L1TD1: variants seen among roughly 807,000 people sequenced by gnomAD.
L1TD1 encodes the protein LINE1 type transposase domain containing 1.
A neutral mutation model predicts 25.7 loss-of-function variants in L1TD1; 26 were observed. The observed-to-expected ratio is 1.01, with a 90% confidence interval of 0.74 to 1.40. The LOEUF is 1.40. Among genes scored for constraint, L1TD1 ranks in the 40% most tolerant of loss-of-function variants. L1TD1 has a pLI of 0.00. For synonymous variants in L1TD1, 421 were observed against 335.6 expected, an observed-to-expected ratio of 1.25 and a Z score of -2.78; for missense variants, 1,130 against 975.0, an observed-to-expected ratio of 1.16 and a Z score of -2.12.
At chr1:62,208,884 A>G (rs911039926) in intron 3 of L1TD1, among the ~76,000 whole-genome samples, 1 of 152,222 alleles carries the variant, frequency 6.6e-6, no homozygotes, top group Non-Finnish European at 1.5e-5. Flanking sequence ...GTGAGAATCC[A>G]TAAGGAAAAG....
intron 2 of L1TD1, among the ~76,000 whole-genome samples, chr1:62,199,921 CCTGA>C (rs539440457): frequency 2.8e-3 from 427 of 152,216 alleles, no homozygotes; most frequent in Non-Finnish European, 4.9e-3. Flanking sequence ...TTTGCATTCT[CCTGA>C]CTAATATAAT....
At chr1:62,195,117 C>T (rs893295814) in intron 1 of L1TD1, among the ~76,000 whole-genome samples, 196 bp downstream of exon 1, 3 of 151,208 alleles carry the variant, frequency 2.0e-5, no homozygotes, top group African/African-American at 4.9e-5. Context: ...TCCGCAGCGC[C>T]CCAAGTAAGG....
intron 2 of L1TD1, among the ~76,000 whole-genome samples, chr1:62,200,470 C>T (rs1670620495): frequency 6.6e-6 from 1 of 152,034 alleles, no homozygotes; most frequent in Non-Finnish European, 1.5e-5. Flanking sequence ...TGTGCCTGGC[C>T]ATAATGTATA....
In L1TD1 at chr1:62,211,401, T is replaced by C; in HGVS notation, c.*29T>C. On this transcript the variant is annotated 3_prime_UTR_variant, in exon 4 of 4. Coordinates refer to ENST00000498273, the MANE Select transcript of L1TD1 (RefSeq NM_019079.5). ...GCCAGGGTGACTACAAACAATATGC[T>C]TTCCTCCCCCAGCATGCATCCAAAA... The C allele has an allele frequency of 6.5e-7, 1 of 1,537,900 alleles. No individual in the cohort carries two copies. Among genetic ancestry groups the C allele is most frequent in the Non-Finnish European group, 8.7e-7 (1 of 1,146,702 alleles).
intron 2 of L1TD1, among the ~76,000 whole-genome samples, chr1:62,203,270 C>G (rs993394014): frequency 3.9e-5 from 6 of 152,096 alleles, no homozygotes; most frequent in Non-Finnish European, 7.4e-5. Context: ...ACAAACATTC[C>G]AATTATACTG....
At position 62,206,675 on chromosome 1, in the gene L1TD1, C is replaced by G. The variant is rs1290270402; in HGVS notation, c.47C>G (p.Ala16Gly). 2 of 1,547,138 alleles carry G rather than the reference C, an allele frequency of 1.3e-6. No individual in the cohort carries two copies. The highest frequency in any genetic ancestry group is 1.7e-6 in the Non-Finnish European group (2 of 1,145,750). ...GTACAATCAAAATTTGCTAGACTTG[C>G]AAAGAAAAAGGAAAATATCACCTAT... ...TSVQSKFARL[A>G]KKKENITYMK... The change falls in exon 3 of 4, where the codon GCA becomes GGA. Residue 16 changes from alanine to glycine, a missense_variant. By Grantham distance (60) the Ala-to-Gly change is moderately conservative. Coordinates refer to ENST00000498273, the MANE Select transcript of L1TD1 (RefSeq NM_019079.5).
rs1481010273 is a variant in L1TD1 at position 62,206,663 on chromosome 1, T to A, written c.35T>A (p.Phe12Tyr). Residue 12 changes from phenylalanine (F) to tyrosine (Y), a missense_variant, in exon 3 of 4, where the codon TTT (phenylalanine) becomes TAT (tyrosine). Transcript: ENST00000498273. ...SDVSTSVQSK[F>Y]ARLAKKKENI... ...GTATCTACTAGTGTACAATCAAAAT[T>A]TGCTAGACTTGCAAAGAAAAAGGAA... 1 of 1,546,844 alleles carries A rather than the reference T, an allele frequency of 6.5e-7. No homozygotes were observed. Among genetic ancestry groups the A allele is most frequent in the African/African-American group, 1.4e-5 (1 of 72,662 alleles).
At chr1:62,205,237 C>T (rs1363568658) in intron 2 of L1TD1, among the ~76,000 whole-genome samples, 2 of 151,122 alleles carry the variant, frequency 1.3e-5, no homozygotes, top group Non-Finnish European at 2.9e-5. Context: ...ACTCGGGAGG[C>T]TGAGGCGGGA....
chr1:62,197,968 T>C (rs1487953809), intron 2 of L1TD1, among the ~76,000 whole-genome samples: 1 of 152,080 alleles, frequency 6.6e-6, no homozygotes, highest in African/African-American at 2.4e-5. Context: ...CCAAAATATG[T>C]TCAAAATATG....
chr1:62,210,539 ACAG>A lies in L1TD1; in HGVS notation c.1766_1768del (p.Thr589_Glu590delinsLys). 1.2e-6 allele frequency: 2 copies of A among 1,612,890 alleles called. No individual in the cohort carries two copies. The highest frequency in any genetic ancestry group is 1.7e-6 in the Non-Finnish European group (2 of 1,179,770). ...AACAGGAGTCACCAAACTTAAGAAA[ACAG>A]AAGAAAAGAAACACAGAACTCTGCA... is the stretch of plus-strand genomic sequence containing the variant. On this transcript the variant is annotated inframe_deletion, in exon 4 of 4. Transcript: ENST00000498273.
At chr1:62,196,697 A>T (rs1261556614) in intron 2 of L1TD1, among the ~76,000 whole-genome samples, 169 bp downstream of exon 2, 1 of 151,974 alleles carries the variant, frequency 6.6e-6, no homozygotes, top group Admixed American at 6.6e-5. Context: ...GGTTCAAGCG[A>T]TTCTACTCCC....
rs764969897 is a variant in L1TD1 at position 62,206,770 on chromosome 1, G to A, written c.142G>A (p.Val48Ile). 8.3e-6 allele frequency: 13 copies of A among 1,559,804 alleles called. No individual in the cohort carries two copies. Among genetic ancestry groups the A allele is most frequent in the South Asian group, 1.2e-5 (1 of 85,448 alleles). ...GGTATTAGATTTAAAATGCAAGGAC[G>A]TATCAGCAATTATGAATAAGTTTAA... The part of the protein sequence containing the change: ...APVLDLKCKD[V>I]SAIMNKFKVL... The change falls in exon 3 of 4, where the codon GTA becomes ATA. Residue 48 changes from valine (V) to isoleucine (I), a missense_variant. Physicochemically the swap from Val to Ile is conservative, Grantham distance 29. Coordinates refer to ENST00000498273, the MANE Select transcript of L1TD1 (RefSeq NM_019079.5).
intron 2 of L1TD1, among the ~76,000 whole-genome samples, chr1:62,203,959 C>T (rs1191029751): frequency 6.6e-6 from 1 of 152,142 alleles, no homozygotes; most frequent in Non-Finnish European, 1.5e-5. Context: ...GTCCTGACCT[C>T]AGGGGATCCA....
At position 62,211,598 on chromosome 1, in the gene L1TD1, C is replaced by T. The variant is rs1030944488; in HGVS notation, c.*226C>T. 1.6e-4 allele frequency: 88 copies of T among 549,502 alleles called. No homozygotes were observed. The highest frequency in any genetic ancestry group is 9.2e-4 in the African/African-American group (48 of 52,156). The allele number at this position is 549,502 out of a possible 1,614,324, so 34.0% of individuals were successfully genotyped here. A position where few individuals can be genotyped will look rare whatever the true frequency, so the allele number is the denominator to read the frequency against. On this transcript the variant is annotated 3_prime_UTR_variant, in exon 4 of 4. Transcript: ENST00000498273. ...GTGAGTTATTTCAGTTGATCACAGTCAGTTACAGATAGAATTCCTTGTTTT... is the reference window on the plus strand; with the variant it reads ...GTGAGTTATTTCAGTTGATCACAGTTAGTTACAGATAGAATTCCTTGTTTT...
intron 1 of L1TD1, among the ~76,000 whole-genome samples, chr1:62,195,520 G>A (rs927259568): frequency 6.6e-6 from 1 of 152,232 alleles, no homozygotes; most frequent in African/African-American, 2.4e-5. Flanking sequence ...TTGGGAAGCC[G>A]AGGCGGGCGG....
At position 62,206,654 on chromosome 1, in the gene L1TD1, A is replaced by G; in HGVS notation, c.26A>G (p.Gln9Arg). 13 of 1,545,948 alleles carry G rather than the reference A, an allele frequency of 8.4e-6. No individual in the cohort carries two copies. Among genetic ancestry groups the G allele is most frequent in the Non-Finnish European group, 1.1e-5 (13 of 1,145,244 alleles). Reference protein sequence around the residue: MSDVSTSVQSKFARLAKKK... With the variant: MSDVSTSVRSKFARLAKKK... ...ATGTCTGATGTATCTACTAGTGTAC[A>G]ATCAAAATTTGCTAGACTTGCAAAG... is the stretch of plus-strand genomic sequence containing the variant. The change falls in exon 3 of 4, where the codon CAA becomes CGA. Residue 9 changes from glutamine to arginine, a missense_variant. Coordinates refer to ENST00000498273, the MANE Select transcript of L1TD1 (RefSeq NM_019079.5).
At chr1:62,205,875 G>C (rs949378974) in intron 2 of L1TD1, among the ~76,000 whole-genome samples, 2 of 151,952 alleles carry the variant, frequency 1.3e-5, no homozygotes, top group African/African-American at 4.8e-5. Context: ...GGGACCACAG[G>C]CGTGTGTCAC....
In L1TD1 at chr1:62,211,120, A is replaced by G. The variant is rs760142293; in HGVS notation, c.2346A>G (p.Glu782=). ...TAAGGGCTTCTAGAGAGAGAAGAGA[A>G]ATTACCTACCAAGGAACAAGAATCA... ...KIIRASRERR[E]ITYQGTRIRL... is the part of the protein sequence containing the mutation. Residue 782 remains glutamate (E), a synonymous_variant, in exon 4 of 4, where the codon GAA becomes GAG. Transcript: ENST00000498273. The G allele has an allele frequency of 3.7e-5, 58 of 1,548,698 alleles. No individual in the cohort carries two copies. Among genetic ancestry groups the G allele is most frequent in the Non-Finnish European group, 4.6e-5 (53 of 1,146,414 alleles).
chr1:62,201,100 TG>T (rs1431514880), intron 2 of L1TD1, among the ~76,000 whole-genome samples: 2 of 151,992 alleles, frequency 1.3e-5, no homozygotes, highest in African/African-American at 4.8e-5. Flanking sequence ...AGCTAATTTT[TG>T]TATTTTTAGT....
Sources: allele counts gnomAD v4.1 joint callset (sites outside exome capture counted in the v4.1 genomes callset), GRCh38; gene constraint gnomAD v4.1.1; transcripts MANE v1.5; gene names NCBI Gene and HGNC (gene_info 2026-07-23, HGNC 2026-07-21).